The following GID8 variants were observed in gnomAD, a reference collection of about 807,000 sequenced individuals.
GID8 encodes glucose-induced degradation protein 8 homolog.
GID8 carries 6 observed loss-of-function variants against 27.4 expected under a neutral mutation model. The ratio of observed to expected loss-of-function variants is 0.22; its 90% CI spans 0.12 to 0.43. The LOEUF is 0.43. Among genes scored for constraint, GID8 ranks in the 20% least tolerant of loss-of-function variants. The pLI is 1.00. For synonymous variants in GID8, 112 were observed against 109.0 expected (o/e 1.03, Z -0.17); for missense variants, 173 against 287.6 (o/e 0.60, Z 2.88).
chr20:62,944,160 C>T (rs986688568), intron 4 of GID8, among the ~76,000 whole-genome samples: 1 of 152,174 alleles, frequency 6.6e-6, no homozygotes, highest in Non-Finnish European at 1.5e-5. Flanking sequence ...TCTTGTCAAA[C>T]TAGGGACAAC....
In GID8 at chr20:62,942,991, C is replaced by A; in HGVS notation, c.123C>A (p.Gly41=). 1 of 1,611,664 alleles carries A rather than the reference C, an allele frequency of 6.2e-7. No homozygotes were observed. Among genetic ancestry groups the A allele is most frequent in the Non-Finnish European group, 8.5e-7 (1 of 1,177,848 alleles). Residue 41 remains glycine (G), a synonymous_variant, in exon 3 of 5, where the codon GGC becomes GGA. Coordinates refer to ENST00000266069, the MANE Select transcript of GID8 (RefSeq NM_017896.3). ...GAAGATGGTTTTTCTATTCAGAGGG[C>A]TTTAAGGAAGCAGCGGAGAAGTTTC... is the stretch of plus-strand genomic sequence containing the variant. ...RLIMNYLVTE[G]FKEAAEKFRM...
Position 62,943,247 on chromosome 20 carries a change from A to G in GID8, c.315+64A>G. The stretch of plus-strand genomic sequence containing the variant: ...TGATAAGTTAAAGTTATTTGCAATG[A>G]TTGAGAAATAACTAGGCTAATTTGC... On this transcript the variant is annotated intron_variant, in intron 3 of 4. Transcript: ENST00000266069. The surrounding 1 kb of genome is among the most constrained non-coding windows in gnomAD (Gnocchi z 4.7). The G allele has an allele frequency of 7.9e-7, 1 of 1,259,520 alleles. No homozygotes were observed. The highest frequency in any genetic ancestry group is 1.1e-6 in the Non-Finnish European group (1 of 885,234). The allele number at this position is 1,259,520 out of a possible 1,614,324, so 78.0% of individuals were successfully genotyped here. A position where few individuals can be genotyped will look rare whatever the true frequency, so the allele number is the denominator to read the frequency against.
At chr20:62,941,408 C>A in intron 1 of GID8, 83 bp from the exon 2 acceptor site, 3 of 760,538 alleles carry the variant, frequency 3.9e-6, no homozygotes. Flanking sequence ...TGGGATTCTC[C>A]GGCTCACAGC....
At chr20:62,944,011 T>C (rs565517785) in intron 4 of GID8, among the ~76,000 whole-genome samples, 3 of 152,078 alleles carry the variant, frequency 2.0e-5, no homozygotes, top group African/African-American at 4.8e-5. Flanking sequence ...AAGTTTTGTA[T>C]TTTTAGTGGA....
At chr20:62,939,778 C>A (rs1287704238) in intron 1 of GID8, among the ~76,000 whole-genome samples, 2 of 152,222 alleles carry the variant, frequency 1.3e-5, no homozygotes, top group African/African-American at 4.8e-5. Flanking sequence ...CTGCTCAGAT[C>A]TCACCACCCT....
At chr20:62,938,683 T>A (rs970911109) in intron 1 of GID8, 6 of 152,254 alleles carry the variant, frequency 3.9e-5, no homozygotes, top group African/African-American at 1.4e-4. Flanking sequence ...TGAATCTTTT[T>A]ATGCTGGAGT....
At chr20:62,940,187 C>CT (rs547746346) in intron 1 of GID8, among the ~76,000 whole-genome samples, 12,529 of 132,050 alleles carry the variant, frequency 0.095, 845 homozygotes, top group African/African-American at 0.18. Context: ...TCTTTTTTTT[C>CT]TTTTTTTTTT....
chr20:62,943,386 A>G lies in GID8; in HGVS notation c.316-109A>G, dbSNP rs1328764284. ...TGCAAATTTGATAACTCAGAGATGCAAGAAAAGTCTTCCCTCTGTGATGTA... is the reference window on the plus strand; with the variant it reads ...TGCAAATTTGATAACTCAGAGATGCGAGAAAAGTCTTCCCTCTGTGATGTA... On this transcript the variant is annotated intron_variant, in intron 3 of 4. Coordinates refer to ENST00000266069, the MANE Select transcript of GID8 (RefSeq NM_017896.3). This position sits in a 1 kb window ranked among gnomAD's most constrained non-coding sequence, Gnocchi z 4.7. 1 of 1,121,100 alleles carries G rather than the reference A, an allele frequency of 8.9e-7. No homozygotes were observed. Among genetic ancestry groups the G allele is most frequent in the African/African-American group, 1.6e-5 (1 of 64,282 alleles). 69.4% of individuals were successfully genotyped at this position (1,121,100 alleles called of 1,614,324 possible). A position where few individuals can be genotyped will look rare whatever the true frequency, so the allele number is the denominator to read the frequency against.
In GID8 at chr20:62,943,916, A is replaced by T. The variant is rs1249025079; in HGVS notation, c.513+224A>T. Among the ~76,000 whole-genome samples, 1 of 149,398 alleles carries T rather than the reference A, an allele frequency of 6.7e-6. No homozygotes were observed. The highest frequency in any genetic ancestry group is 2.0e-4 in the East Asian group (1 of 5,084). ...AGTGACGAGATCTCTGCTCACTGCA[A>T]CCCCCGCCTCCTGTGTTCAAGCGAT... On this transcript the variant is annotated intron_variant, in intron 4 of 4. Coordinates refer to ENST00000266069, the MANE Select transcript of GID8 (RefSeq NM_017896.3). This position sits in a 1 kb window ranked among gnomAD's most constrained non-coding sequence, Gnocchi z 4.7.
chr20:62,945,867 A>G lies in GID8; in HGVS notation c.*955A>G. 1 of 1,289,720 alleles carries G rather than the reference A, an allele frequency of 7.8e-7. No homozygotes were observed. Among genetic ancestry groups the G allele is most frequent in the Non-Finnish European group, 1.0e-6 (1 of 988,884 alleles). 79.9% of individuals were successfully genotyped at this position (1,289,720 alleles called of 1,614,324 possible). ...CTGTTGGCGGAAGGAACGCGTGTTC[A>G]TCCTCAGTGATCTGCCCTCCAGCAT... is the stretch of plus-strand genomic sequence containing the variant. On this transcript the variant is annotated 3_prime_UTR_variant, in exon 5 of 5. Coordinates refer to ENST00000266069, the MANE Select transcript of GID8 (RefSeq NM_017896.3).
chr20:62,947,330 C>G lies in GID8; in HGVS notation c.*2418C>G, dbSNP rs567887080. The stretch of plus-strand genomic sequence containing the variant: ...GTCTTCCAAGGAAGTGCTTTGCACA[C>G]TTTCTTTGCTCCTTTTTACAGTCTT... On this transcript the variant is annotated 3_prime_UTR_variant, in exon 5 of 5. Transcript: ENST00000266069. 1 of 152,330 alleles carries G rather than the reference C, an allele frequency of 6.6e-6. No individual in the cohort carries two copies. Among genetic ancestry groups the G allele is most frequent in the East Asian group, 1.9e-4 (1 of 5,194 alleles). The allele number at this position is 152,330 out of a possible 1,614,324, so 9.4% of individuals were successfully genotyped here. A position where few individuals can be genotyped will look rare whatever the true frequency, so the allele number is the denominator to read the frequency against.
rs1184686567 is a variant in GID8, at chr20:62,938,209, C to G, written c.-57C>G. On this transcript the variant is annotated 5_prime_UTR_variant, in exon 1 of 5. Coordinates refer to ENST00000266069, the MANE Select transcript of GID8 (RefSeq NM_017896.3). ...CCCCAGCCCAGGAGAGGCTGCGGAG[C>G]CGCAGCCGCCCAGACCGCGCAGCGC... The G allele has an allele frequency of 1.1e-5, 2 of 176,166 alleles. No homozygotes were observed. Among genetic ancestry groups the G allele is most frequent in the Non-Finnish European group, 2.4e-5 (2 of 84,040 alleles). 10.9% of individuals were successfully genotyped at this position (176,166 alleles called of 1,614,324 possible).
chr20:62,943,289 C>A lies in GID8; in HGVS notation c.315+106C>A. The A allele has an allele frequency of 9.8e-7, 1 of 1,022,758 alleles. No homozygotes were observed. Among genetic ancestry groups the A allele is most frequent in the Non-Finnish European group, 1.5e-6 (1 of 684,682 alleles). 63.4% of individuals were successfully genotyped at this position (1,022,758 alleles called of 1,614,324 possible). A position where few individuals can be genotyped will look rare whatever the true frequency, so the allele number is the denominator to read the frequency against. On this transcript the variant is annotated intron_variant, in intron 3 of 4. Transcript: ENST00000266069. This position sits in a 1 kb window ranked among gnomAD's most constrained non-coding sequence, Gnocchi z 4.7. Reference sequence around the variant, plus strand: ...CTAATTTGCTTTAATAATGTTATTTCAATGCATGTGAGGGGGAGAGGTTTG... The same window carrying A: ...CTAATTTGCTTTAATAATGTTATTTAAATGCATGTGAGGGGGAGAGGTTTG...
chr20:62,940,351 AT>A (rs34532008), intron 1 of GID8, among the ~76,000 whole-genome samples: 117 of 111,274 alleles, frequency 1.1e-3, no homozygotes, highest in East Asian at 3.0e-3. Flanking sequence ...TGCCCGGCAA[AT>A]TTTTTTTTTT....
In GID8 at chr20:62,945,888, A is replaced by G. The variant is rs1282210676; in HGVS notation, c.*976A>G. On this transcript the variant is annotated 3_prime_UTR_variant, in exon 5 of 5. Coordinates refer to ENST00000266069, the MANE Select transcript of GID8 (RefSeq NM_017896.3). The stretch of plus-strand genomic sequence containing the variant: ...GTTCATCCTCAGTGATCTGCCCTCC[A>G]GCATCTCGGCAGCATCTCATCCTCC... 1 of 1,289,618 alleles carries G rather than the reference A, an allele frequency of 7.8e-7. No homozygotes were observed. Among genetic ancestry groups the G allele is most frequent in the Non-Finnish European group, 1.0e-6 (1 of 988,840 alleles). The allele number at this position is 1,289,618 out of a possible 1,614,324, so 79.9% of individuals were successfully genotyped here. A position where few individuals can be genotyped will look rare whatever the true frequency, so the allele number is the denominator to read the frequency against.
intron 1 of GID8, among the ~76,000 whole-genome samples, chr20:62,939,568 C>T (rs1051318207): frequency 6.6e-6 from 1 of 152,164 alleles, no homozygotes; most frequent in African/African-American, 2.4e-5. Flanking sequence ...TCTTCCAGTC[C>T]TTCCTCCTTA....
In GID8 at chr20:62,945,741, G is replaced by C. The variant is rs2065463529; in HGVS notation, c.*829G>C. On this transcript the variant is annotated 3_prime_UTR_variant, in exon 5 of 5. Coordinates refer to ENST00000266069, the MANE Select transcript of GID8 (RefSeq NM_017896.3). ...GCAGTGGCTTTTTCTGGTACCTGCAGCTGGAAAGGCCACTTGGCCCTGTGC... is the reference window on the plus strand; with the variant it reads ...GCAGTGGCTTTTTCTGGTACCTGCACCTGGAAAGGCCACTTGGCCCTGTGC... The C allele has an allele frequency of 8.2e-7, 1 of 1,216,252 alleles. No homozygotes were observed. Among genetic ancestry groups the C allele is most frequent in the African/African-American group, 1.6e-5 (1 of 64,142 alleles). The allele number at this position is 1,216,252 out of a possible 1,614,324, so 75.3% of individuals were successfully genotyped here.
chr20:62,938,700 C>G (rs924078131), intron 1 of GID8: 1 of 152,298 alleles, frequency 6.6e-6, no homozygotes, highest in Non-Finnish European at 1.5e-5. Flanking sequence ...GAGTTTGAGA[C>G]TACCGAGTTC....
Position 62,945,426 on chromosome 20 carries a change from T to C in GID8, c.*514T>C. The C allele has an allele frequency of 1.0e-6, 1 of 991,576 alleles. No homozygotes were observed. Among genetic ancestry groups the C allele is most frequent in the Non-Finnish European group, 1.2e-6 (1 of 832,538 alleles). 61.4% of individuals were successfully genotyped at this position (991,576 alleles called of 1,614,324 possible). A position where few individuals can be genotyped will look rare whatever the true frequency, so the allele number is the denominator to read the frequency against. ...TAAATCCTAATTCAAAGATGGCTCA[T>C]GTGTGAGGGCATTGAGTTTGATTTG... is the stretch of plus-strand genomic sequence containing the variant. On this transcript the variant is annotated 3_prime_UTR_variant, in exon 5 of 5. Coordinates refer to ENST00000266069, the MANE Select transcript of GID8 (RefSeq NM_017896.3).
Sources: allele counts gnomAD v4.1 joint callset (sites outside exome capture counted in the v4.1 genomes callset), GRCh38; gene constraint gnomAD v4.1.1; non-coding constraint Gnocchi (gnomAD v3.1); transcripts MANE v1.5; gene names NCBI Gene and HGNC (gene_info 2026-07-23, HGNC 2026-07-21).